PARD3: variants seen among roughly 807,000 people sequenced by gnomAD.
The protein encoded by PARD3 is partitioning defective 3 homolog.
Under a neutral mutation model 155.4 loss-of-function variants are expected in PARD3, and 75 were observed. The ratio of observed to expected loss-of-function variants is 0.48; its 90% CI spans 0.40 to 0.58. The LOEUF (loss-of-function observed/expected upper bound fraction) is 0.58. Among genes scored for constraint, PARD3 ranks in the 20% least tolerant of loss-of-function variants. The pLI, the probability that PARD3 is intolerant of heterozygous loss-of-function variation, is 0.00. For synonymous variants in PARD3, 576 were observed against 610.5 expected (o/e 0.94, Z 0.83); for missense variants, 1,642 against 1,721.7 (o/e 0.95, Z 0.82).
rs1953294113 is a variant in PARD3, at chr10:34,237,272, G to C, written c.3419+32385C>G. 2.0e-5 allele frequency among the ~76,000 whole-genome samples: 3 copies of C among 152,156 alleles called. No homozygotes were observed. The South Asian group carries it at 6.2e-4, about 32-fold the overall frequency. On this transcript the variant is annotated intron_variant, in intron 22 of 24. Coordinates refer to ENST00000374788, the MANE Select transcript of PARD3 (RefSeq NM_001184785.2). ...TTTTGTTTAAGCACTACACTGCCTA[G>C]AGTTAAATAACTGGGTGAAAATTCT...
At chr10:34,548,512 CTAAT>C (rs879848674) in intron 2 of PARD3, among the ~76,000 whole-genome samples, 4 of 151,930 alleles carry the variant, frequency 2.6e-5, no homozygotes, top group Middle Eastern at 3.4e-3. Flanking sequence ...ATAAAATAAA[CTAAT>C]AAATAAAATA....
intron 22 of PARD3, among the ~76,000 whole-genome samples, chr10:34,179,013 C>T (rs1367877045): frequency 6.6e-6 from 1 of 152,110 alleles, no homozygotes; most frequent in Non-Finnish European, 1.5e-5. Flanking sequence ...TGACCCTGCC[C>T]CAAATGCCTC....
In PARD3 at chr10:34,233,715, G is replaced by C. The variant is rs542346044; in HGVS notation, c.3419+35942C>G. Among the ~76,000 whole-genome samples, 5 of 152,170 alleles carry C rather than the reference G, an allele frequency of 3.3e-5. No individual in the cohort carries two copies. In the East Asian group the frequency reaches 7.7e-4, roughly 23 times the overall value. On this transcript the variant is annotated intron_variant, in intron 22 of 24. Coordinates refer to ENST00000374788, the MANE Select transcript of PARD3 (RefSeq NM_001184785.2). ...TAAGCATCAGGTCCTATAGGCTCTA[G>C]GTTTAAAATCGCTCTCTCGTCTATT...
chr10:34,594,464 T>G (rs2089047086), intron 2 of PARD3, among the ~76,000 whole-genome samples: 1 of 152,256 alleles, frequency 6.6e-6, no homozygotes, highest in Non-Finnish European at 1.5e-5. Context: ...CCATGAAGCC[T>G]GTATAAAAAG....
In PARD3 at chr10:34,630,576, A is replaced by T. The variant is rs1184670520; in HGVS notation, c.222+65742T>A. Among the ~76,000 whole-genome samples the T allele has an allele frequency of 5.3e-5, 8 of 150,724 alleles. No individual in the cohort carries two copies. In the East Asian group the frequency reaches 1.4e-3, roughly 26 times the overall value. On this transcript the variant is annotated intron_variant, in intron 2 of 24. Coordinates refer to ENST00000374788, the MANE Select transcript of PARD3 (RefSeq NM_001184785.2). ...TGATCCTCCCACCTCAACCTCCTGG[A>T]GTAACTGGGGACTACATGCACAAGC...
chr10:34,303,162 A>ATTTTTTTTTTTTTTTTT lies in PARD3; in HGVS notation c.3065+13928_3065+13944dup, dbSNP rs5784409. ...AGAATTTATTTTACTGCCCAGGTGA[A>ATTTTTTTTTTTTTTTTT]TTTTTTTTTTTTTTTTTTTTGTGCA... On this transcript the variant is annotated intron_variant, in intron 20 of 24. Coordinates refer to ENST00000374788, the MANE Select transcript of PARD3 (RefSeq NM_001184785.2). Among the ~76,000 whole-genome samples the ATTTTTTTTTTTTTTTTT allele has an allele frequency of 1.3e-4, 17 of 131,962 alleles. 1 individual carries two copies. The highest frequency in any genetic ancestry group is 4.4e-4 in the East Asian group (2 of 4,582). 86.6% of individuals were successfully genotyped at this position (131,962 alleles called of 152,430 possible). A position where few individuals can be genotyped will look rare whatever the true frequency, so the allele number is the denominator to read the frequency against.
intron 2 of PARD3, among the ~76,000 whole-genome samples, chr10:34,574,099 C>CT (rs1388249295): frequency 1.3e-5 from 2 of 151,750 alleles, no homozygotes; most frequent in Non-Finnish European, 2.9e-5. Context: ...CAGGTACTTT[C>CT]TTTTTTCTAT....
rs138573246 is a variant in PARD3 at position 34,356,584 on chromosome 10, C to T, written c.2067+2563G>A. Reference sequence around the variant, plus strand: ...CTGGACTATACAGCTGATTAAAAGACCTAGAAAGAAAACTCAGCACATTAT... The same window carrying T: ...CTGGACTATACAGCTGATTAAAAGATCTAGAAAGAAAACTCAGCACATTAT... On this transcript the variant is annotated intron_variant, in intron 14 of 24. Transcript: ENST00000374788. Among the ~76,000 whole-genome samples the T allele has an allele frequency of 2.5e-3, 384 of 152,276 alleles. 1 individual carries two copies. The highest frequency in any genetic ancestry group is 9.0e-3 in the African/African-American group (374 of 41,556).
At chr10:34,210,439 G>C (rs905030629) in intron 22 of PARD3, among the ~76,000 whole-genome samples, 1 of 151,970 alleles carries the variant, frequency 6.6e-6, no homozygotes, top group Non-Finnish European at 1.5e-5. Flanking sequence ...AGTGGCGATG[G>C]GGAGTATTTC....
chr10:34,243,138 C>A (rs1443353469), intron 22 of PARD3, among the ~76,000 whole-genome samples: 1 of 152,162 alleles, frequency 6.6e-6, no homozygotes, highest in East Asian at 1.9e-4. Context: ...TATTGGGAAT[C>A]TAAAAATAAT....
intron 5 of PARD3, among the ~76,000 whole-genome samples, chr10:34,431,157 C>T (rs2075878362): frequency 6.6e-6 from 1 of 152,138 alleles, no homozygotes; most frequent in South Asian, 2.1e-4. Flanking sequence ...TGCTGAGATC[C>T]ATCTTGGCTC....
intron 5 of PARD3, among the ~76,000 whole-genome samples, chr10:34,405,387 C>T (rs1486639899): frequency 6.6e-6 from 1 of 152,000 alleles, no homozygotes; most frequent in Non-Finnish European, 1.5e-5. Flanking sequence ...TAATATGAAA[C>T]ATATTACCCA....
chr10:34,274,837 A>G (rs1955799759), intron 21 of PARD3, among the ~76,000 whole-genome samples: 1 of 152,166 alleles, frequency 6.6e-6, no homozygotes, highest in Non-Finnish European at 1.5e-5. Context: ...TAAGAAAGAA[A>G]GCTAACAGAA....
intron 12 of PARD3, among the ~76,000 whole-genome samples, chr10:34,369,979 C>G (rs191259860): frequency 6.6e-6 from 1 of 152,230 alleles, no homozygotes; most frequent in Non-Finnish European, 1.5e-5. Flanking sequence ...AAGCCTAAAA[C>G]AGATCCTTGG....
intron 20 of PARD3, among the ~76,000 whole-genome samples, chr10:34,294,162 C>A (rs1231107860): frequency 6.6e-6 from 1 of 152,124 alleles, no homozygotes; most frequent in Non-Finnish European, 1.5e-5. Flanking sequence ...AATGGCTATC[C>A]AGGTTGTAAA....
At chr10:34,365,100 C>T (rs1177165435) in intron 12 of PARD3, among the ~76,000 whole-genome samples, 1 of 152,198 alleles carries the variant, frequency 6.6e-6, no homozygotes, top group Admixed American at 6.5e-5. Context: ...ACCAATTTGA[C>T]AATGCTTACC....
At chr10:34,240,431 A>C (rs779989798) in intron 22 of PARD3, among the ~76,000 whole-genome samples, 2 of 152,316 alleles carry the variant, frequency 1.3e-5, no homozygotes, top group Non-Finnish European at 2.9e-5. Flanking sequence ...AGTTTTATAC[A>C]AAAAAGTATC....
intron 3 of PARD3, among the ~76,000 whole-genome samples, chr10:34,481,325 G>A (rs1300285005): frequency 6.6e-6 from 1 of 152,136 alleles, no homozygotes; most frequent in Non-Finnish European, 1.5e-5. Flanking sequence ...GGGTAGAACA[G>A]AGTGGTTAAG....
chr10:34,490,184 TATTC>T (rs776207071), intron 3 of PARD3, among the ~76,000 whole-genome samples: 13 of 152,226 alleles, frequency 8.5e-5, no homozygotes, highest in Non-Finnish European at 1.9e-4. Flanking sequence ...GAAAAGACAC[TATTC>T]ATTAGACAAT....
Sources: gnomAD v4.1 joint callset for allele counts (sites outside exome capture counted in the v4.1 genomes callset) on GRCh38, gnomAD v4.1.1 for gene constraint, MANE v1.5 for transcripts, NCBI Gene and HGNC (gene_info 2026-07-23, HGNC 2026-07-21) for gene names.